The following LRBA variants were observed in gnomAD, a reference collection of about 807,000 sequenced individuals.
The protein encoded by LRBA is lipopolysaccharide-responsive and beige-like anchor protein.
Under a neutral mutation model 330.0 loss-of-function variants are expected in LRBA, and 176 were observed. The ratio of observed to expected loss-of-function variants is 0.53; its 90% CI spans 0.47 to 0.60. The LOEUF is 0.60. Ranked by LOEUF, LRBA falls within the 20% of genes least tolerant of loss-of-function variation. The pLI is 0.00. For missense variants in LRBA, 3,259 were observed against 3,444.8 expected, an observed-to-expected ratio of 0.95 and a Z score of 1.35; for synonymous variants, 1,230 against 1,193.0, an observed-to-expected ratio of 1.03 and a Z score of -0.64.
chr4:150,727,178 A>G (rs1413726735), intron 36 of LRBA, among the ~76,000 whole-genome samples: 1 of 149,888 alleles, frequency 6.7e-6, no homozygotes, highest in Non-Finnish European at 1.5e-5. Context: ...CGTTCAAGCA[A>G]TTCTCCTACC....
chr4:150,826,771 T>C (rs761945821), intron 30 of LRBA, among the ~76,000 whole-genome samples: 5 of 152,096 alleles, frequency 3.3e-5, no homozygotes, highest in Non-Finnish European at 7.4e-5. Flanking sequence ...AGGACCTTTA[T>C]GGTTCATTAC....
intron 35 of LRBA, among the ~76,000 whole-genome samples, chr4:150,748,384 T>C (rs752158587): frequency 2.6e-5 from 4 of 152,034 alleles, no homozygotes; most frequent in Non-Finnish European, 4.4e-5. Flanking sequence ...AAGAATGAAA[T>C]TGAGCCAGGC....
chr4:150,573,203 TA>T (rs1277439420), intron 40 of LRBA, among the ~76,000 whole-genome samples: 1 of 152,180 alleles, frequency 6.6e-6, no homozygotes, highest in Non-Finnish European at 1.5e-5. Flanking sequence ...GTAACTGTCA[TA>T]ATTTGCATTG....
At chr4:150,503,801 A>T (rs996055806) in intron 40 of LRBA, among the ~76,000 whole-genome samples, 1 of 152,186 alleles carries the variant, frequency 6.6e-6, no homozygotes, top group Non-Finnish European at 1.5e-5. Flanking sequence ...GCTGAGCTAC[A>T]GGAGGAAATT....
intron 47 of LRBA, among the ~76,000 whole-genome samples, chr4:150,396,288 T>C (rs766349227): frequency 2.0e-5 from 3 of 152,184 alleles, no homozygotes; most frequent in Non-Finnish European, 4.4e-5. Context: ...CTTACACCAG[T>C]GCCCTACTCC....
At chr4:150,592,174 C>G (rs1429795861) in intron 38 of LRBA, among the ~76,000 whole-genome samples, 1 of 60,808 alleles carries the variant, frequency 1.6e-5, no homozygotes, top group East Asian at 7.2e-4. Flanking sequence ...TTTTTTTGCT[C>G]CACTGCAGCT....
intron 36 of LRBA, among the ~76,000 whole-genome samples, chr4:150,695,108 C>CATT (rs1784513491): frequency 6.6e-6 from 1 of 152,078 alleles, no homozygotes; most frequent in Non-Finnish European, 1.5e-5. Context: ...CAAAGTGAAT[C>CATT]CTTCAACAAT....
intron 2 of LRBA, among the ~76,000 whole-genome samples, chr4:150,954,757 A>G (rs912724066): frequency 1.5e-4 from 22 of 145,478 alleles, no homozygotes; most frequent in Non-Finnish European, 3.0e-4. Context: ...CCCAAGAATG[A>G]TCAATAAATA....
chr4:150,765,386 C>T (rs1169717412), intron 34 of LRBA, among the ~76,000 whole-genome samples: 3 of 151,980 alleles, frequency 2.0e-5, no homozygotes, highest in Non-Finnish European at 2.9e-5. Context: ...CCAGAGTGAA[C>T]CCTAATGTAA....
chr4:150,614,143 T>C (rs183845732), intron 37 of LRBA, among the ~76,000 whole-genome samples: 5 of 152,330 alleles, frequency 3.3e-5, no homozygotes, highest in Admixed American at 2.0e-4. Flanking sequence ...AATACCATCA[T>C]AGTTAATGAT....
intron 3 of LRBA, 78 bp downstream of exon 3, chr4:150,928,755 TA>T: frequency 7.3e-7 from 1 of 1,360,798 alleles, no homozygotes; most frequent in South Asian, 1.3e-5. Context: ...TAAATATTGC[TA>T]AATGGAATAA....
At chr4:150,415,798 T>A (rs939033904) in intron 46 of LRBA, among the ~76,000 whole-genome samples, 3 of 152,172 alleles carry the variant, frequency 2.0e-5, no homozygotes, top group African/African-American at 7.2e-5. Flanking sequence ...CTTACTGGTA[T>A]AAATAACTTT....
intron 37 of LRBA, among the ~76,000 whole-genome samples, chr4:150,651,977 G>A (rs1779747996): frequency 6.6e-6 from 1 of 152,074 alleles, no homozygotes; most frequent in Non-Finnish European, 1.5e-5. Context: ...CGAAGTAGCT[G>A]GAACCACAGG....
intron 2 of LRBA, among the ~76,000 whole-genome samples, chr4:150,965,939 A>G (rs1352824523): frequency 1.3e-5 from 2 of 152,138 alleles, no homozygotes; most frequent in East Asian, 3.9e-4. Context: ...TCATAGAGAG[A>G]GATTTCATTA....
intron 43 of LRBA, among the ~76,000 whole-genome samples, chr4:150,470,876 C>CACACACACACACA (rs1554034850): frequency 2.1e-5 from 3 of 143,798 alleles, no homozygotes; most frequent in African/African-American, 5.2e-5. Context: ...CACACACACA[C>CACACACACACACA]CACACACTAA....
At chr4:150,681,982 T>C (rs1025368625) in intron 37 of LRBA, among the ~76,000 whole-genome samples, 1 of 152,180 alleles carries the variant, frequency 6.6e-6, no homozygotes, top group Non-Finnish European at 1.5e-5. Context: ...GTATATACTA[T>C]GCTATACAAA....
chr4:150,693,588 T>TAAAAAAAAA (rs1784349478), intron 36 of LRBA, among the ~76,000 whole-genome samples: 1 of 80,564 alleles, frequency 1.2e-5, no homozygotes. Context: ...AAAAAAAAAT[T>TAAAAAAAAA]GGGCAAGAAA....
intron 36 of LRBA, among the ~76,000 whole-genome samples, chr4:150,688,804 G>A (rs1477204976): frequency 6.6e-6 from 1 of 152,180 alleles, no homozygotes. Context: ...GGAAACAACA[G>A]ATGCTGGAAA....
At chr4:150,619,370 G>A (rs993089862) in intron 37 of LRBA, among the ~76,000 whole-genome samples, 4 of 152,100 alleles carry the variant, frequency 2.6e-5, no homozygotes, top group Admixed American at 2.6e-4. Context: ...CAGAGGGAAT[G>A]AAATAGACCT....
Sources: allele counts gnomAD v4.1 joint callset (sites outside exome capture counted in the v4.1 genomes callset), GRCh38; gene constraint gnomAD v4.1.1; transcripts MANE v1.5; gene names NCBI Gene and HGNC (gene_info 2026-07-23, HGNC 2026-07-21).